Variants in MED24 observed in about 807,000 individuals in gnomAD.
MED24 encodes the protein mediator of RNA polymerase II transcription subunit 24.
In MED24, 74 loss-of-function variants were observed where a neutral mutation model predicts 118.8. The ratio of observed to expected loss-of-function variants is 0.62; its 90% CI spans 0.52 to 0.76. The LOEUF is 0.76. MED24 is among the 30% of genes least tolerant of loss of function. The pLI, the probability that MED24 is intolerant of heterozygous loss-of-function variation, is 0.00. For synonymous variants in MED24, 521 were observed against 523.9 expected (o/e 0.99, Z 0.08); for missense variants, 1,041 against 1,278.9 (o/e 0.81, Z 2.84).
At position 40,019,388 on chromosome 17, in the gene MED24, G is replaced by C; in HGVS notation, c.*141C>G. The C allele has an allele frequency of 2.9e-6, 2 of 690,102 alleles. No individual in the cohort carries two copies. Among genetic ancestry groups the C allele is most frequent in the Admixed American group, 2.5e-5 (1 of 39,570 alleles). The allele number at this position is 690,102 out of a possible 1,614,324, so 42.7% of individuals were successfully genotyped here. A position where few individuals can be genotyped will look rare whatever the true frequency, so the allele number is the denominator to read the frequency against. ...ATCCTGGAGGTCAGGAGTCAGGAGC[G>C]GGGAACTGGAAGCCGCTAGAGGCTC... On this transcript the variant is annotated 3_prime_UTR_variant, in exon 26 of 26. Transcript: ENST00000394128.
chr17:40,027,519 G>T, intron 15 of MED24, 54 bp from the exon 16 acceptor site: 1 of 1,535,580 alleles, frequency 6.5e-7, no homozygotes, highest in South Asian at 1.2e-5. Flanking sequence ...GGGAGCCCGT[G>T]TCTGGGTTGA....
At chr17:40,031,324 G>T in intron 11 of MED24, 79 bp from the exon 12 acceptor site, 1 of 1,377,956 alleles carries the variant, frequency 7.3e-7, no homozygotes, top group Non-Finnish European at 1.0e-6. Context: ...TCCCTGAGCA[G>T]CATCCTCCCT....
At chr17:40,051,071 G>A (rs918360771) in intron 3 of MED24, among the ~76,000 whole-genome samples, 1 of 148,566 alleles carries the variant, frequency 6.7e-6, no homozygotes, top group African/African-American at 2.5e-5. Flanking sequence ...GGGAGGCAGA[G>A]GTTGCGGTGA....
At position 40,022,161 on chromosome 17, in the gene MED24, G is replaced by A. The variant is rs1424252427; in HGVS notation, c.2524-107C>T. The A allele has an allele frequency of 3.1e-6, 3 of 980,006 alleles. No individual in the cohort carries two copies. The African/African-American group carries it at 4.9e-5, about 16-fold the overall frequency. 60.7% of individuals were successfully genotyped at this position (980,006 alleles called of 1,614,324 possible). A position where few individuals can be genotyped will look rare whatever the true frequency, so the allele number is the denominator to read the frequency against. On this transcript the variant is annotated intron_variant, in intron 22 of 25. Coordinates refer to ENST00000394128, the MANE Select transcript of MED24 (RefSeq NM_014815.4). ...TTGAGCGAGGTCAGCATGGCTAGCA[G>A]GGCCTCAGCCCCTCTCTGCTCAACC...
At chr17:40,053,667 A>G (rs1986064822) in intron 1 of MED24, 32 bp from the exon 2 acceptor site, 1 of 1,611,414 alleles carries the variant, frequency 6.2e-7, no homozygotes, top group Non-Finnish European at 8.5e-7. Context: ...GCTAAAGAAA[A>G]GGACATGAGG....
intron 3 of MED24, among the ~76,000 whole-genome samples, chr17:40,037,223 G>GGAAA (rs1568168434): frequency 7.1e-6 from 1 of 140,686 alleles, no homozygotes; most frequent in African/African-American, 3.2e-5. Context: ...AGGGAAGGAA[G>GGAAA]GAAGGAAGGA....
At chr17:40,036,389 C>T (rs1983933366) in intron 3 of MED24, among the ~76,000 whole-genome samples, 1 of 152,120 alleles carries the variant, frequency 6.6e-6, no homozygotes, top group Non-Finnish European at 1.5e-5. Context: ...TCTGGGGATG[C>T]TCAAAGGCTC....
At chr17:40,036,195 T>G (rs376759287) in intron 3 of MED24, 41 bp from the exon 4 acceptor site, 2 of 1,577,114 alleles carry the variant, frequency 1.3e-6, no homozygotes, top group African/African-American at 2.7e-5. Context: ...ACAACTAGTC[T>G]CCCACAGTTG....
chr17:40,041,742 C>A (rs1054647361), intron 3 of MED24, among the ~76,000 whole-genome samples: 2 of 152,172 alleles, frequency 1.3e-5, no homozygotes, highest in Admixed American at 6.6e-5. Context: ...CTGCTCGTCC[C>A]ATTAATCAAA....
intron 3 of MED24, among the ~76,000 whole-genome samples, chr17:40,041,900 T>C (rs1201955034): frequency 1.3e-5 from 2 of 152,176 alleles, no homozygotes; most frequent in African/African-American, 2.4e-5. Context: ...CAAGTCCAAT[T>C]TGGCTCATCA....
chr17:40,031,618 G>A lies in MED24; in HGVS notation c.987C>T (p.Asp329=), dbSNP rs756978259. 3 of 1,613,944 alleles carry A rather than the reference G, an allele frequency of 1.9e-6. No individual in the cohort carries two copies. Among genetic ancestry groups the A allele is most frequent in the South Asian group, 1.1e-5 (1 of 91,068 alleles). Residue 329 remains aspartate, a splice_region_variant and synonymous_variant, in exon 11 of 26, where the codon GAC becomes GAT. Coordinates refer to ENST00000394128, the MANE Select transcript of MED24 (RefSeq NM_014815.4). ...KLKKYSHGDK[D]FTEDVNCAFE... ...AAGCACAGTTGACATCCTCAGTGAA[G>A]TCCTAGAAAGAGGCAGAAGTGTCCA... is the stretch of plus-strand genomic sequence containing the variant.
At chr17:40,038,512 AC>A (rs1984203663) in intron 3 of MED24, among the ~76,000 whole-genome samples, 1 of 151,924 alleles carries the variant, frequency 6.6e-6, no homozygotes. Flanking sequence ...AGAGATCAAG[AC>A]CATCCTGGCC....
At chr17:40,031,495 G>T in intron 11 of MED24, 43 bp downstream of exon 11, 1 of 1,559,950 alleles carries the variant, frequency 6.4e-7, no homozygotes, top group Non-Finnish European at 8.8e-7. Context: ...GAAGAGCCCA[G>T]AACGCCTTCC....
In MED24 at chr17:40,026,153, G is replaced by A. The variant is rs111705629; in HGVS notation, c.1985+3C>T. 2.1e-5 allele frequency: 34 copies of A among 1,610,726 alleles called. No homozygotes were observed. The highest frequency in any genetic ancestry group is 2.7e-5 in the Non-Finnish European group (32 of 1,177,292). The stretch of plus-strand genomic sequence containing the variant: ...GTCTGAGAAGGGAAGGCAGGTTACC[G>A]ACCTCTCATTGTAGAACTGCAGGGT... On this transcript the variant is annotated splice_donor_region_variant and intron_variant, in intron 19 of 25. Transcript: ENST00000394128.
At chr17:40,023,070 CA>C (rs1982229264) in intron 20 of MED24, 60 bp downstream of exon 20, 2 of 1,564,194 alleles carry the variant, frequency 1.3e-6, no homozygotes, top group Admixed American at 3.6e-5. Flanking sequence ...CAGACCAGGC[CA>C]GGTGTGGGGA....
chr17:40,047,761 T>G (rs1404423668), intron 3 of MED24, among the ~76,000 whole-genome samples: 1 of 151,912 alleles, frequency 6.6e-6, no homozygotes, highest in Non-Finnish European at 1.5e-5. Flanking sequence ...GACGAAGTTT[T>G]GCTCGTTGCC....
At chr17:40,047,030 C>T (rs1444834091) in intron 3 of MED24, among the ~76,000 whole-genome samples, 1 of 151,872 alleles carries the variant, frequency 6.6e-6, no homozygotes, top group Non-Finnish European at 1.5e-5. Context: ...ATTACTTGAG[C>T]CCAGAAGGAT....
In MED24 at chr17:40,033,190, A is replaced by T. The variant is rs1209975310; in HGVS notation, c.688T>A (p.Ser230Thr). Residue 230 changes from serine to threonine, a missense_variant, in exon 8 of 26, where the codon TCT becomes ACT. By Grantham distance (58) the Ser-to-Thr change is moderately conservative. Coordinates refer to ENST00000394128, the MANE Select transcript of MED24 (RefSeq NM_014815.4). The surrounding 1 kb of genome is among the most constrained non-coding windows in gnomAD (Gnocchi z 5.2). Reference protein sequence around the residue: ...TLIRSIPTMLSVHAEQMHKTG... With the variant: ...TLIRSIPTMLTVHAEQMHKTG... ...TTGTGCATCTGCTCCGCATGCACAGACAGCATCGTGGGGATGCTGAGGGGT... is the reference window on the plus strand; with the variant it reads ...TTGTGCATCTGCTCCGCATGCACAGTCAGCATCGTGGGGATGCTGAGGGGT... The T allele has an allele frequency of 1.9e-6, 3 of 1,614,004 alleles. No individual in the cohort carries two copies.
chr17:40,021,935 C>T lies in MED24; in HGVS notation c.2623+20G>A, dbSNP rs748921407. On this transcript the variant is annotated intron_variant, in intron 23 of 25. Coordinates refer to ENST00000394128, the MANE Select transcript of MED24 (RefSeq NM_014815.4). Reference sequence around the variant, plus strand: ...AATTCCCAGGAAAAGGAGCGGCGCGCGGCCAGCCCACACACTCACTGGGGC... The same window carrying T: ...AATTCCCAGGAAAAGGAGCGGCGCGTGGCCAGCCCACACACTCACTGGGGC... 5.2e-6 allele frequency: 8 copies of T among 1,533,646 alleles called. No homozygotes were observed. The highest frequency in any genetic ancestry group is 4.0e-5 in the Admixed American group (2 of 50,334).
Sources: gnomAD v4.1 joint callset for allele counts (sites outside exome capture counted in the v4.1 genomes callset) on GRCh38, gnomAD v4.1.1 for gene constraint, Gnocchi (gnomAD v3.1) non-coding constraint, MANE v1.5 for transcripts, NCBI Gene and HGNC (gene_info 2026-07-23, HGNC 2026-07-21) for gene names.